IFT22: variants seen among roughly 807,000 people sequenced by gnomAD.
IFT22 encodes the protein intraflagellar transport 22.
A neutral mutation model predicts 21.0 loss-of-function variants in IFT22; 13 were observed. The ratio of observed to expected loss-of-function variants is 0.62; its 90% CI spans 0.40 to 0.98. IFT22 has a LOEUF of 0.98. IFT22 is among the 50% of genes least tolerant of loss of function. The probability of loss-of-function intolerance (pLI) is 0.00; values close to 1 mark genes in which losing one functional copy is unlikely to be tolerated. For missense variants in IFT22, 227 were observed against 228.9 expected (o/e 0.99, Z 0.06); for synonymous variants, 67 against 82.4 (o/e 0.81, Z 1.01).
rs1324318193 is a variant in IFT22 at position 101,312,963 on chromosome 7, A to C, written c.*2171T>G. Reference sequence around the variant, plus strand: ...ATTCTCCTGCCTCAGCTTCCCAGGTAGCTGGGATTACAGGCACGTGCTACC... The same window carrying C: ...ATTCTCCTGCCTCAGCTTCCCAGGTCGCTGGGATTACAGGCACGTGCTACC... On this transcript the variant is annotated 3_prime_UTR_variant, in exon 5 of 5. Coordinates refer to ENST00000315322, the MANE Select transcript of IFT22 (RefSeq NM_022777.4). 6.6e-6 allele frequency among the ~76,000 whole-genome samples: 1 copy of C among 151,614 alleles called. No homozygotes were observed. The highest frequency in any genetic ancestry group is 1.5e-5 in the Non-Finnish European group (1 of 67,970).
At position 101,317,374 on chromosome 7, in the gene IFT22, C is replaced by G. The variant is rs116862917; in HGVS notation, c.206+750G>C. 6.6e-3 allele frequency among the ~76,000 whole-genome samples: 1,007 copies of G among 151,890 alleles called. 9 individuals carry two copies. The highest frequency in any genetic ancestry group is 0.021 in the Middle Eastern group (6 of 292). On this transcript the variant is annotated intron_variant, in intron 3 of 4. Coordinates refer to ENST00000315322, the MANE Select transcript of IFT22 (RefSeq NM_022777.4). ...ATGTTGGCCAGGCTGGTCTCAAACT[C>G]CTGAGCTCTGGTGATCTCCCAAAGC... is the stretch of plus-strand genomic sequence containing the variant.
intron 4 of IFT22, 169 bp from the exon 5 acceptor site, chr7:101,315,451 A>G: frequency 1.4e-6 from 1 of 693,330 alleles, no homozygotes; most frequent in Non-Finnish European, 2.4e-6. Context: ...CCCTGGCGAC[A>G]GGATGAAAAC....
At chr7:101,316,636 C>A in intron 3 of IFT22, 94 bp from the exon 4 acceptor site, 1 of 1,323,810 alleles carries the variant, frequency 7.6e-7, no homozygotes, top group Non-Finnish European at 1.0e-6. Context: ...AAAAGTTGGT[C>A]TATGACGGCT....
At position 101,318,667 on chromosome 7, in the gene IFT22, C is replaced by T. The variant is rs555714996; in HGVS notation, c.116+289G>A. Reference sequence around the variant, plus strand: ...TTAATTTTGTTTTGAGACAGGGTCTCACTCTGTCACCCAGGCTGGAGTGCA... The same window carrying T: ...TTAATTTTGTTTTGAGACAGGGTCTTACTCTGTCACCCAGGCTGGAGTGCA... On this transcript the variant is annotated intron_variant, in intron 2 of 4. Coordinates refer to ENST00000315322, the MANE Select transcript of IFT22 (RefSeq NM_022777.4). 3.1e-5 allele frequency: 11 copies of T among 354,204 alleles called. 1 individual carries two copies. In the South Asian group the frequency reaches 5.0e-4, roughly 16 times the overall value. The allele number at this position is 354,204 out of a possible 1,614,324, so 21.9% of individuals were successfully genotyped here.
At position 101,312,726 on chromosome 7, in the gene IFT22, G is replaced by A. The variant is rs534054677; in HGVS notation, c.*2408C>T. Among the ~76,000 whole-genome samples, 6 of 151,810 alleles carry A rather than the reference G, an allele frequency of 4.0e-5. No homozygotes were observed. The highest frequency in any genetic ancestry group is 4.2e-4 in the South Asian group (2 of 4,808). On this transcript the variant is annotated 3_prime_UTR_variant, in exon 5 of 5. Transcript: ENST00000315322. Reference sequence around the variant, plus strand: ...AATTTTTTGTGTTTTTAGTAGAGTCGGGGTTTCACCATGTTGGACAGGCTG... The same window carrying A: ...AATTTTTTGTGTTTTTAGTAGAGTCAGGGTTTCACCATGTTGGACAGGCTG...
Position 101,315,044 on chromosome 7 carries a change from G to A in IFT22, c.*90C>T. 7.0e-7 allele frequency: 1 copy of A among 1,426,486 alleles called. No homozygotes were observed. Among genetic ancestry groups the A allele is most frequent in the South Asian group, 1.3e-5 (1 of 77,142 alleles). 88.4% of individuals were successfully genotyped at this position (1,426,486 alleles called of 1,614,324 possible). On this transcript the variant is annotated 3_prime_UTR_variant, in exon 5 of 5. Transcript: ENST00000315322. ...ACTTCCTCTGCAGTCAGAGGGAGAAGAAAACATCAGGAGCTGGATGTGATT... is the reference window on the plus strand; with the variant it reads ...ACTTCCTCTGCAGTCAGAGGGAGAAAAAAACATCAGGAGCTGGATGTGATT...
chr7:101,321,599 G>A, intron 1 of IFT22, 72 bp downstream of exon 1: 2 of 1,488,742 alleles, frequency 1.3e-6, no homozygotes, highest in Non-Finnish European at 1.8e-6. Context: ...GATCAGACGG[G>A]TGGGGACCTG....
chr7:101,315,083 G>T lies in IFT22; in HGVS notation c.*51C>A, dbSNP rs748779040. ...CTGGATGTGATTTCAGATCTGCACCGAGAAACATGCTGATTTCACTGGGGA... is the reference window on the plus strand; with the variant it reads ...CTGGATGTGATTTCAGATCTGCACCTAGAAACATGCTGATTTCACTGGGGA... On this transcript the variant is annotated 3_prime_UTR_variant, in exon 5 of 5. Coordinates refer to ENST00000315322, the MANE Select transcript of IFT22 (RefSeq NM_022777.4). 2 of 1,584,550 alleles carry T rather than the reference G, an allele frequency of 1.3e-6. No individual in the cohort carries two copies. The highest frequency in any genetic ancestry group is 1.8e-5 in the Admixed American group (1 of 56,892).
Position 101,313,130 on chromosome 7 carries a change from G to A in IFT22, c.*2004C>T, listed in dbSNP as rs911220032. 6.6e-5 allele frequency among the ~76,000 whole-genome samples: 10 copies of A among 152,024 alleles called. No individual in the cohort carries two copies. The highest frequency in any genetic ancestry group is 2.0e-4 in the Admixed American group (3 of 15,250). On this transcript the variant is annotated 3_prime_UTR_variant, in exon 5 of 5. Coordinates refer to ENST00000315322, the MANE Select transcript of IFT22 (RefSeq NM_022777.4). ...ATTACAGGCGTAAGCCACTGCACCC[G>A]GCCTCCAGGCTCAAGCAATTCTTAT...
Position 101,312,610 on chromosome 7 carries a change from A to G in IFT22, c.*2524T>C, listed in dbSNP as rs754885155. On this transcript the variant is annotated 3_prime_UTR_variant, in exon 5 of 5. Coordinates refer to ENST00000315322, the MANE Select transcript of IFT22 (RefSeq NM_022777.4). ...GAGAGCAGTGGCGCGATCTTGGCTC[A>G]CTGCAACCTCTGCCTCCTGGGTTCA... 7.4e-6 allele frequency among the ~76,000 whole-genome samples: 1 copy of G among 134,794 alleles called. No homozygotes were observed. Among genetic ancestry groups the G allele is most frequent in the Non-Finnish European group, 1.5e-5 (1 of 66,048 alleles). The allele number at this position is 134,794 out of a possible 152,430, so 88.4% of individuals were successfully genotyped here.
At position 101,311,557 on chromosome 7, in the gene IFT22, G is replaced by C. The variant is rs1314370373; in HGVS notation, c.*3577C>G. ...GCTACATGTCAGCCCTCCTCACTGT[G>C]AAAGTGACAGACACCCTAGCATTTT... On this transcript the variant is annotated 3_prime_UTR_variant, in exon 5 of 5. Transcript: ENST00000315322. Among the ~76,000 whole-genome samples the C allele has an allele frequency of 6.6e-6, 1 of 152,172 alleles. No individual in the cohort carries two copies. The highest frequency in any genetic ancestry group is 1.5e-5 in the Non-Finnish European group (1 of 68,038).
At position 101,319,008 on chromosome 7, in the gene IFT22, A is replaced by G; in HGVS notation, c.64T>C (p.Phe22Leu). 3 of 1,614,010 alleles carry G rather than the reference A, an allele frequency of 1.9e-6. No individual in the cohort carries two copies. Among genetic ancestry groups the G allele is most frequent in the Non-Finnish European group, 2.5e-6 (3 of 1,179,906 alleles). The part of the protein sequence containing the change: ...CESGKTVLAN[F>L]LTESSDITEY... The stretch of plus-strand genomic sequence containing the variant: ...GTGATGTCAGAAGATTCTGTCAGAA[A>G]GTTGGCCAAAACAGTTTTTCCACTC... The change falls in exon 2 of 5, where the codon TTT becomes CTT. Residue 22 changes from phenylalanine to leucine, a missense_variant. By Grantham distance (22) the Phe-to-Leu change is conservative. Coordinates refer to ENST00000315322, the MANE Select transcript of IFT22 (RefSeq NM_022777.4).
chr7:101,316,817 G>A (rs1399721625), intron 3 of IFT22, among the ~76,000 whole-genome samples: 3 of 152,186 alleles, frequency 2.0e-5, no homozygotes, highest in Middle Eastern at 3.4e-3. Context: ...CCAGCTACTC[G>A]GGAGGCTGAG....
At chr7:101,319,070 G>A (rs1790251749) in intron 1 of IFT22, 38 bp from the exon 2 acceptor site, 3 of 1,609,516 alleles carry the variant, frequency 1.9e-6, no homozygotes, top group African/African-American at 1.3e-5. Flanking sequence ...TTTGCTGAAA[G>A]GCAGAAAAGG....
intron 4 of IFT22, 162 bp downstream of exon 4, chr7:101,316,178 T>C (rs1790143412): frequency 1.5e-6 from 1 of 648,944 alleles, no homozygotes; most frequent in Admixed American, 2.8e-5. Flanking sequence ...TTTGTATTTT[T>C]AGTAGAGACG....
In IFT22 at chr7:101,314,920, C is replaced by T. The variant is rs951027293; in HGVS notation, c.*214G>A. ...TGGGAAGTTCTGGGGCCAGGAAATC[C>T]AAATTTGATAATAGGATTTTCTCAA... On this transcript the variant is annotated 3_prime_UTR_variant, in exon 5 of 5. Coordinates refer to ENST00000315322, the MANE Select transcript of IFT22 (RefSeq NM_022777.4). 1.3e-5 allele frequency: 7 copies of T among 531,274 alleles called. No individual in the cohort carries two copies. The highest frequency in any genetic ancestry group is 2.0e-5 in the Non-Finnish European group (6 of 306,310). The allele number at this position is 531,274 out of a possible 1,614,324, so 32.9% of individuals were successfully genotyped here.
intron 1 of IFT22, among the ~76,000 whole-genome samples, chr7:101,319,644 T>TC (rs1790271966): frequency 6.8e-6 from 1 of 147,416 alleles, no homozygotes; most frequent in East Asian, 2.0e-4. Context: ...CACATTGCTT[T>TC]TTTTTTTTTT....
chr7:101,318,783 C>G, intron 2 of IFT22, 173 bp downstream of exon 2: 1 of 569,908 alleles, frequency 1.8e-6, no homozygotes, highest in Non-Finnish European at 3.2e-6. Context: ...ACTACAGACA[C>G]ATGCCAACAC....
In IFT22 at chr7:101,314,826, G is replaced by GTTGTATCATTGGGCT. The variant is rs1790092827; in HGVS notation, c.*307_*308insAGCCCAATGATACAA. 4 of 296,522 alleles carry GTTGTATCATTGGGCT rather than the reference G, an allele frequency of 1.3e-5. No individual in the cohort carries two copies. The highest frequency in any genetic ancestry group is 2.5e-5 in the Non-Finnish European group (4 of 158,492). 18.4% of individuals were successfully genotyped at this position (296,522 alleles called of 1,614,324 possible). On this transcript the variant is annotated 3_prime_UTR_variant, in exon 5 of 5. Coordinates refer to ENST00000315322, the MANE Select transcript of IFT22 (RefSeq NM_022777.4). ...TACTGTTGTATCATTGGGCTGCGAC[G>GTTGTATCATTGGGCT]GTTACAAGTCCACAAACTGTTTAAC...
Sources: allele counts gnomAD v4.1 joint callset (sites outside exome capture counted in the v4.1 genomes callset), GRCh38; gene constraint gnomAD v4.1.1; transcripts MANE v1.5; gene names NCBI Gene and HGNC (gene_info 2026-07-23, HGNC 2026-07-21).